Variants in SEC24D observed in about 807,000 individuals in gnomAD.
The protein encoded by SEC24D is SEC24 homolog D, COPII component.
SEC24D carries 69 observed loss-of-function variants against 116.9 expected under a neutral mutation model. That is an observed-to-expected ratio of 0.59 (90% CI 0.49 to 0.72). The LOEUF is 0.72. Among genes scored for constraint, SEC24D ranks in the 30% least tolerant of loss-of-function variants. The pLI is 0.00. For missense variants in SEC24D, 1,131 were observed against 1,264.1 expected, an observed-to-expected ratio of 0.89 and a Z score of 1.60; for synonymous variants, 405 against 442.8, an observed-to-expected ratio of 0.91 and a Z score of 1.07.
chr4:118,825,621 G>A (rs1730565549), intron 2 of SEC24D: 1 of 455,906 alleles, frequency 2.2e-6, no homozygotes, highest in African/African-American at 2.0e-5. Context: ...TTTTCTTCCT[G>A]TAAAATGAAA....
chr4:118,825,129 C>A (rs1730545807), intron 2 of SEC24D, among the ~76,000 whole-genome samples: 1 of 152,196 alleles, frequency 6.6e-6, no homozygotes, highest in African/African-American at 2.4e-5. Context: ...CAGGAAGGGT[C>A]ATGGTAAAGC....
chr4:118,793,466 CAAAAAAAA>C (rs70944815), intron 8 of SEC24D, among the ~76,000 whole-genome samples: 28 of 69,292 alleles, frequency 4.0e-4, no homozygotes, highest in Admixed American at 1.1e-3. Flanking sequence ...GACTCCGTCT[CAAAAAAAA>C]AAAAAAAAAA....
intron 8 of SEC24D, among the ~76,000 whole-genome samples, chr4:118,785,085 A>G (rs1208408263): frequency 6.6e-6 from 1 of 152,112 alleles, no homozygotes; most frequent in African/African-American, 2.4e-5. Context: ...GATGACTCCT[A>G]AATACAAGAT....
At chr4:118,823,072 C>G (rs989825255) in intron 3 of SEC24D, among the ~76,000 whole-genome samples, 1 of 152,152 alleles carries the variant, frequency 6.6e-6, no homozygotes, top group African/African-American at 2.4e-5. Context: ...AGGAACTTCA[C>G]CAGTGTCCAC....
chr4:118,736,883 G>T (rs75145689), intron 19 of SEC24D, among the ~76,000 whole-genome samples: 1,635 of 152,286 alleles, frequency 0.011, 36 homozygotes, highest in African/African-American at 0.037. Flanking sequence ...TTATCCAGTG[G>T]TAGAGGCAAT....
intron 7 of SEC24D, among the ~76,000 whole-genome samples, chr4:118,801,846 G>T (rs1039442060): frequency 2.0e-5 from 3 of 152,176 alleles, no homozygotes; most frequent in Non-Finnish European, 4.4e-5. Context: ...ACAACAGTGG[G>T]GCATAAAAGG....
intron 22 of SEC24D, among the ~76,000 whole-genome samples, chr4:118,727,067 T>G (rs567725225): frequency 1.2e-4 from 18 of 152,220 alleles, no homozygotes; most frequent in Non-Finnish European, 2.1e-4. Flanking sequence ...ATGATCCAGT[T>G]GTGAGACCCG....
intron 2 of SEC24D, among the ~76,000 whole-genome samples, chr4:118,827,007 G>A (rs1193332562): frequency 1.3e-5 from 2 of 152,216 alleles, no homozygotes; most frequent in East Asian, 3.8e-4. Context: ...GAATTGAGAA[G>A]AGTTCAAAGA....
At chr4:118,816,016 G>T (rs1358374077) in intron 4 of SEC24D, among the ~76,000 whole-genome samples, 1 of 151,630 alleles carries the variant, frequency 6.6e-6, no homozygotes, top group Non-Finnish European at 1.5e-5. Flanking sequence ...CAACATCCTG[G>T]GCTCCAGTGA....
At chr4:118,827,071 A>G (rs1456574752) in intron 2 of SEC24D, among the ~76,000 whole-genome samples, 1 of 152,188 alleles carries the variant, frequency 6.6e-6, no homozygotes, top group Non-Finnish European at 1.5e-5. Context: ...TTCTTCATAT[A>G]GAAGACAGGA....
chr4:118,830,701 T>C (rs904995654), intron 2 of SEC24D, among the ~76,000 whole-genome samples: 7 of 152,036 alleles, frequency 4.6e-5, no homozygotes, highest in African/African-American at 1.7e-4. Flanking sequence ...ACATCTACTA[T>C]AGGAACATCT....
At chr4:118,748,029 G>A (rs1220561671) in intron 13 of SEC24D, among the ~76,000 whole-genome samples, 1 of 152,164 alleles carries the variant, frequency 6.6e-6, no homozygotes, top group African/African-American at 2.4e-5. Context: ...ACTTTGGGAG[G>A]CCCAGGCTGG....
chr4:118,834,263 A>G (rs1015749131), intron 1 of SEC24D, among the ~76,000 whole-genome samples: 5 of 152,240 alleles, frequency 3.3e-5, no homozygotes, highest in African/African-American at 9.6e-5. Flanking sequence ...AACGTTGATA[A>G]TGGGCTTATT....
At chr4:118,786,860 C>T (rs1182866161) in intron 8 of SEC24D, among the ~76,000 whole-genome samples, 1 of 152,144 alleles carries the variant, frequency 6.6e-6, no homozygotes, top group South Asian at 2.1e-4. Context: ...TGAAAATTCA[C>T]TGAAAATTAA....
intron 17 of SEC24D, among the ~76,000 whole-genome samples, chr4:118,739,559 A>G (rs1726135067): frequency 6.6e-6 from 1 of 152,172 alleles, no homozygotes; most frequent in Non-Finnish European, 1.5e-5. Context: ...ACATTTCTAC[A>G]ACTAGTCTGC....
intron 1 of SEC24D, among the ~76,000 whole-genome samples, chr4:118,833,997 A>G (rs562002843): frequency 7.2e-4 from 109 of 152,284 alleles, no homozygotes; most frequent in African/African-American, 2.5e-3. Flanking sequence ...ACTCGCAACC[A>G]CTTTTTTAAT....
At position 118,742,050 on chromosome 4, in the gene SEC24D, ATAACATTTCTTTTTTAG is replaced by A. The variant is rs572373931; in HGVS notation, c.1996-1030_1996-1014del. On this transcript the variant is annotated intron_variant, in intron 15 of 22. Coordinates refer to ENST00000280551, the MANE Select transcript of SEC24D (RefSeq NM_014822.4). ...TTACTGGCTTTTCCTCTGCTGCATT[ATAACATTTCTTTTTTAG>A]TAACATTGAAAGAATCAGTAATAAT... 1.4e-4 allele frequency among the ~76,000 whole-genome samples: 21 copies of A among 152,310 alleles called. No individual in the cohort carries two copies. The East Asian group carries it at 4.0e-3, about 29-fold the overall frequency.
At chr4:118,818,348 G>A (rs1730241776) in intron 3 of SEC24D, among the ~76,000 whole-genome samples, 1 of 152,172 alleles carries the variant, frequency 6.6e-6, no homozygotes, top group African/African-American at 2.4e-5. Flanking sequence ...GCCATTGAGA[G>A]GTTAGGAGCA....
At chr4:118,775,549 G>C (rs1352815096) in intron 8 of SEC24D, among the ~76,000 whole-genome samples, 1 of 152,000 alleles carries the variant, frequency 6.6e-6, no homozygotes, top group Non-Finnish European at 1.5e-5. Flanking sequence ...CTGGGATGAA[G>C]GGAGATAAAG....
Sources: allele counts gnomAD v4.1 joint callset (sites outside exome capture counted in the v4.1 genomes callset), GRCh38; gene constraint gnomAD v4.1.1; transcripts MANE v1.5; gene names NCBI Gene and HGNC (gene_info 2026-07-23, HGNC 2026-07-21).